Variants in CDH8 observed in about 807,000 individuals in gnomAD.
CDH8 encodes the protein cadherin-8.
In CDH8, 17 loss-of-function variants were observed where a neutral mutation model predicts 68.1. The observed-to-expected ratio is 0.25, with a 90% CI of 0.17 to 0.37. CDH8 has a LOEUF of 0.37. Ranked by LOEUF, CDH8 falls within the 10% of genes least tolerant of loss-of-function variation. The probability of loss-of-function intolerance (pLI) is 1.00; values close to 1 mark genes in which losing one functional copy is unlikely to be tolerated. For synonymous variants in CDH8, 372 were observed against 365.1 expected (o/e 1.02, Z -0.21); for missense variants, 763 against 999.3 (o/e 0.76, Z 3.19).
chr16:61,949,770 C>T (rs1039407904), intron 2 of CDH8, among the ~76,000 whole-genome samples: 6 of 151,938 alleles, frequency 3.9e-5, no homozygotes, highest in African/African-American at 1.5e-4. Context: ...TCACTTGATC[C>T]CAGGAGTTCG....
intron 8 of CDH8, among the ~76,000 whole-genome samples, chr16:61,728,242 T>C (rs1318538901): frequency 7.2e-6 from 1 of 139,502 alleles, no homozygotes; most frequent in Admixed American, 7.7e-5. Context: ...TTTGGAGCTC[T>C]AAAATACTCA....
intron 2 of CDH8, among the ~76,000 whole-genome samples, chr16:61,927,538 C>A (rs935777977): frequency 3.9e-5 from 6 of 152,110 alleles, no homozygotes; most frequent in African/African-American, 1.4e-4. Context: ...GCCTCCTAGA[C>A]AAATATCAAA....
rs150856141 is a variant in CDH8, at chr16:61,915,607, T to A, written c.253-14134A>T. Among the ~76,000 whole-genome samples, 30 of 152,146 alleles carry A rather than the reference T, an allele frequency of 2.0e-4. No homozygotes were observed. The East Asian group carries it at 5.4e-3, about 27-fold the overall frequency. The stretch of plus-strand genomic sequence containing the variant: ...GGACTCCACTGTTCACAAAACTAGG[T>A]GTTTAGTGTTTTGTTTTTAAAGATA... On this transcript the variant is annotated intron_variant, in intron 2 of 11. Transcript: ENST00000577390.
chr16:61,741,428 G>A (rs1389143010), intron 8 of CDH8, among the ~76,000 whole-genome samples: 1 of 151,970 alleles, frequency 6.6e-6, no homozygotes, highest in African/African-American at 2.4e-5. Flanking sequence ...GTTAATTTTA[G>A]TGCTTTTTTC....
At chr16:61,706,478 G>C (rs549926280) in intron 10 of CDH8, among the ~76,000 whole-genome samples, 1 of 152,084 alleles carries the variant, frequency 6.6e-6, no homozygotes, top group African/African-American at 2.4e-5. Context: ...AAAATTAGCC[G>C]GGCGTGGTGG....
At chr16:61,845,086 C>T (rs1008333041) in intron 4 of CDH8, among the ~76,000 whole-genome samples, 1 of 152,074 alleles carries the variant, frequency 6.6e-6, no homozygotes, top group African/African-American at 2.4e-5. Flanking sequence ...AGGTTCATTC[C>T]CAGCTATCTC....
chr16:61,697,570 T>A (rs1964351418), intron 10 of CDH8, among the ~76,000 whole-genome samples: 2 of 151,860 alleles, frequency 1.3e-5, no homozygotes, highest in Admixed American at 1.3e-4. Flanking sequence ...CTCGGCTCAC[T>A]GCAAGCTCCA....
In CDH8 at chr16:61,961,286, G is replaced by A. The variant is rs1965150052; in HGVS notation, c.253-59813C>T. Among the ~76,000 whole-genome samples the A allele has an allele frequency of 2.6e-5, 4 of 152,066 alleles. No homozygotes were observed. In the Middle Eastern group the frequency reaches 0.01, roughly 391 times the overall value. On this transcript the variant is annotated intron_variant, in intron 2 of 11. Transcript: ENST00000577390. ...GCTGATATCGCACCACTGCTCTCCA[G>A]CCTGGGCAACAGAGTGAGACATAGT...
At chr16:61,838,920 C>A (rs560071420) in intron 4 of CDH8, among the ~76,000 whole-genome samples, 1 of 151,988 alleles carries the variant, frequency 6.6e-6, no homozygotes, top group Non-Finnish European at 1.5e-5. Flanking sequence ...CTAAAATGAT[C>A]AAGGGATTAA....
intron 7 of CDH8, among the ~76,000 whole-genome samples, chr16:61,813,474 G>C (rs1181069185): frequency 6.6e-6 from 1 of 152,122 alleles, no homozygotes; most frequent in Admixed American, 6.5e-5. Context: ...GGCCTGCCCC[G>C]CAAGTGTTTA....
chr16:61,659,048 G>T lies in CDH8; in HGVS notation c.1655-3327C>A, dbSNP rs887899975. Reference sequence around the variant, plus strand: ...TGCTGCTGGTATATAAAATTTAATTGTCTTATACATTGATTTTAGCTTCAG... The same window carrying T: ...TGCTGCTGGTATATAAAATTTAATTTTCTTATACATTGATTTTAGCTTCAG... On this transcript the variant is annotated intron_variant, in intron 10 of 11. Transcript: ENST00000577390. Among the ~76,000 whole-genome samples the T allele has an allele frequency of 6.6e-5, 10 of 152,054 alleles. No individual in the cohort carries two copies. In the East Asian group the frequency reaches 1.2e-3, roughly 18 times the overall value.
chr16:61,674,692 A>G lies in CDH8; in HGVS notation c.1655-18971T>C, dbSNP rs191307750. On this transcript the variant is annotated intron_variant, in intron 10 of 11. Coordinates refer to ENST00000577390, the MANE Select transcript of CDH8 (RefSeq NM_001796.5). ...ATATAGAAATGACAGTGATGATAAG[A>G]TACTCCAAAGCTTTAAAGGAACTGT... Among the ~76,000 whole-genome samples, 546 of 152,240 alleles carry G rather than the reference A, an allele frequency of 3.6e-3. 1 individual carries two copies. Among genetic ancestry groups the G allele is most frequent in the South Asian group, 0.017 (83 of 4,830 alleles).
chr16:61,770,663 A>G (rs993290875), intron 8 of CDH8, among the ~76,000 whole-genome samples: 13 of 151,918 alleles, frequency 8.6e-5, no homozygotes, highest in Admixed American at 8.5e-4. Flanking sequence ...CACTTGCCAC[A>G]TGGTAGTATC....
At chr16:61,685,184 A>G (rs1364187987) in intron 10 of CDH8, among the ~76,000 whole-genome samples, 2 of 123,582 alleles carry the variant, frequency 1.6e-5, no homozygotes, top group Admixed American at 7.7e-5. Flanking sequence ...GTCCTGTCTG[A>G]AAAAAAAAAA....
chr16:62,029,904 C>A (rs1237116583), intron 1 of CDH8, among the ~76,000 whole-genome samples: 8 of 152,174 alleles, frequency 5.3e-5, no homozygotes, highest in African/African-American at 9.7e-5. Flanking sequence ...AATTAGATTT[C>A]TCTTCTCACT....
chr16:61,685,962 T>C (rs566666597), intron 10 of CDH8, among the ~76,000 whole-genome samples: 1 of 152,124 alleles, frequency 6.6e-6, no homozygotes, highest in African/African-American at 2.4e-5. Context: ...TTGTCTTAAA[T>C]AACTTAATTA....
At chr16:61,695,212 C>T (rs1319879166) in intron 10 of CDH8, among the ~76,000 whole-genome samples, 3 of 152,058 alleles carry the variant, frequency 2.0e-5, no homozygotes, top group African/African-American at 7.2e-5. Context: ...GAATTAGACC[C>T]TAGTTTCTCC....
At chr16:61,997,658 C>A (rs1461991755) in intron 2 of CDH8, among the ~76,000 whole-genome samples, 2 of 152,046 alleles carry the variant, frequency 1.3e-5, no homozygotes, top group African/African-American at 4.8e-5. Flanking sequence ...TGACAGACAC[C>A]ATCTCAACCA....
chr16:62,034,192 A>AACACACAC (rs71134383), intron 1 of CDH8, among the ~76,000 whole-genome samples: 20 of 147,310 alleles, frequency 1.4e-4, no homozygotes, highest in East Asian at 1.0e-3. Context: ...CTCTCTCTCA[A>AACACACAC]ACACACACAC....
Sources: gnomAD v4.1 joint callset for allele counts (sites outside exome capture counted in the v4.1 genomes callset) on GRCh38, gnomAD v4.1.1 for gene constraint, MANE v1.5 for transcripts, NCBI Gene and HGNC (gene_info 2026-07-23, HGNC 2026-07-21) for gene names.